The following ZNF836 variants were observed in gnomAD, a reference collection of about 807,000 sequenced individuals.
ZNF836 encodes the protein zinc finger protein 836.
Under a neutral mutation model 7.4 loss-of-function variants are expected in ZNF836, and 12 were observed. The ratio of observed to expected loss-of-function variants is 1.61; its 90% CI spans 1.03 to 2.61. The LOEUF is 2.61. ZNF836 is among the 30% of genes most tolerant of loss of function. The pLI is 0.00. For synonymous variants in ZNF836, 365 were observed against 382.6 expected (o/e 0.95, Z 0.54); for missense variants, 998 against 1,126.2 (o/e 0.89, Z 1.63).
chr19:52,155,392 T>A lies in ZNF836; in HGVS notation c.2291A>T (p.Asn764Ile), dbSNP rs1486373776. Residue 764 changes from asparagine (N) to isoleucine (I), a missense_variant, in exon 5 of 5, where the codon AAC becomes ATC. By Grantham distance (149) the Asn-to-Ile change is moderately radical. Coordinates refer to ENST00000682614, the MANE Select transcript of ZNF836 (RefSeq NM_001102657.3). ...GTGAATTCTCCGATGCCTTGCAAGG[T>A]TCGAAGTGGAATTAAAGACCTGGCC... ...ECGQVFNSTSNLARHRRIHTG... is the reference protein window; with the variant it reads ...ECGQVFNSTSILARHRRIHTG... 1.2e-6 allele frequency: 2 copies of A among 1,613,494 alleles called. No individual in the cohort carries two copies. Among genetic ancestry groups the A allele is most frequent in the Non-Finnish European group, 1.7e-6 (2 of 1,179,918 alleles).
intron 4 of ZNF836, among the ~76,000 whole-genome samples, chr19:52,159,027 G>A (rs1276506684): frequency 6.6e-6 from 1 of 152,082 alleles, no homozygotes; most frequent in Non-Finnish European, 1.5e-5. Flanking sequence ...CACAGAAAGA[G>A]TTAGTCATGA....
chr19:52,158,764 A>G (rs1600139554), intron 4 of ZNF836, among the ~76,000 whole-genome samples: 1 of 152,204 alleles, frequency 6.6e-6, no homozygotes, highest in African/African-American at 2.4e-5. Flanking sequence ...CAAACAAACA[A>G]AAAACTATCT....
At chr19:52,159,563 T>C (rs1257255018) in intron 4 of ZNF836, among the ~76,000 whole-genome samples, 1 of 152,210 alleles carries the variant, frequency 6.6e-6, no homozygotes, top group Non-Finnish European at 1.5e-5. Flanking sequence ...TCACCCTTCA[T>C]GAATAACAGT....
At chr19:52,168,878 T>C (rs552269449) in intron 2 of ZNF836, among the ~76,000 whole-genome samples, 19 of 152,220 alleles carry the variant, frequency 1.2e-4, no homozygotes, top group Admixed American at 3.9e-4. Context: ...AGACAATTAC[T>C]GTATGACCTC....
At chr19:52,162,371 C>A (rs940601962) in intron 3 of ZNF836, among the ~76,000 whole-genome samples, 3 of 152,220 alleles carry the variant, frequency 2.0e-5, no homozygotes, top group Non-Finnish European at 2.9e-5. Context: ...GCCTAGGCTC[C>A]AAGGATCTCT....
chr19:52,157,411 A>G lies in ZNF836; in HGVS notation c.272T>C (p.Ile91Thr), dbSNP rs747799564. ...CTCAAGGTCCTGTAGATTTTTCTGG[A>G]TTTCCCTTAAGTAAAAATTTTCAAC... ...YDVENFYLRE[I>T]QKNLQDLEFQ... Residue 91 changes from isoleucine (I) to threonine (T), a missense_variant, in exon 5 of 5, where the codon ATC (isoleucine) becomes ACC (threonine). Coordinates refer to ENST00000682614, the MANE Select transcript of ZNF836 (RefSeq NM_001102657.3). The G allele has an allele frequency of 3.7e-6, 6 of 1,606,982 alleles. No homozygotes were observed. Among genetic ancestry groups the G allele is most frequent in the Non-Finnish European group, 5.1e-6 (6 of 1,178,368 alleles).
intron 4 of ZNF836, among the ~76,000 whole-genome samples, chr19:52,158,853 G>A (rs2089189367): frequency 2.0e-5 from 3 of 152,246 alleles, no homozygotes; most frequent in South Asian, 4.1e-4. Context: ...GCCAAAACTC[G>A]TATGTTGGGG....
Position 52,156,227 on chromosome 19 carries a change from C to G in ZNF836, c.1456G>C (p.Val486Leu), listed in dbSNP as rs755864983. The change falls in exon 5 of 5, where the codon GTG becomes CTG. Residue 486 changes from valine (V) to leucine (L), a missense_variant. Coordinates refer to ENST00000682614, the MANE Select transcript of ZNF836 (RefSeq NM_001102657.3). ...GKVFSQTSHL[V>L]GHRRIHTGEK... ...CCAGTATGAATTCTCCGATGCCCCA[C>G]AAGATGTGAAGTCTGACTGAAGACC... 90 of 1,613,980 alleles carry G rather than the reference C, an allele frequency of 5.6e-5. No individual in the cohort carries two copies. In the Admixed American group the frequency reaches 8.0e-4, roughly 14 times the overall value.
At chr19:52,163,597 AC>A (rs747394141) in intron 3 of ZNF836, among the ~76,000 whole-genome samples, 1 of 152,174 alleles carries the variant, frequency 6.6e-6, no homozygotes, top group Non-Finnish European at 1.5e-5. Context: ...ACATGGTGAA[AC>A]CCCGTCTCTA....
chr19:52,167,934 CATGGGTGA>C (rs2089279853), intron 3 of ZNF836, 116 bp downstream of exon 3: 2 of 728,972 alleles, frequency 2.7e-6, no homozygotes, highest in East Asian at 5.0e-5. Context: ...TGAGGGAAGG[CATGGGTGA>C]ATGGCAGCAA....
chr19:52,157,481 C>T lies in ZNF836; in HGVS notation c.202G>A (p.Glu68Lys), dbSNP rs968821111. The change falls in exon 5 of 5, where the codon GAA (glutamate) becomes AAA (lysine). Residue 68 changes from glutamate to lysine, a missense_variant. By Grantham distance (56) the Glu-to-Lys change is moderately conservative. Transcript: ENST00000682614. ...LPPIGNSNTG[E>K]KCQTVTLERH... ...TCCAGCGTCACTGTTTGGCATTTTT[C>T]TCCTGTATTACTGTTCCCTATTGGT... 3 of 1,586,162 alleles carry T rather than the reference C, an allele frequency of 1.9e-6. No individual in the cohort carries two copies. The highest frequency in any genetic ancestry group is 3.7e-5 in the Admixed American group (2 of 53,408).
intron 4 of ZNF836, among the ~76,000 whole-genome samples, chr19:52,159,640 A>C (rs1327202296): frequency 6.6e-6 from 1 of 152,218 alleles, no homozygotes; most frequent in Non-Finnish European, 1.5e-5. Flanking sequence ...CAAGTGAATG[A>C]GTTACACTGA....
At chr19:52,167,472 C>CAAAAAAAAAAAAAAAAAAAAAAAAAAAAA (rs1165727472) in intron 3 of ZNF836, among the ~76,000 whole-genome samples, 2 of 44,124 alleles carry the variant, frequency 4.5e-5, no homozygotes, top group Non-Finnish European at 3.9e-5. Context: ...AACTCCGTCT[C>CAAAAAAAAAAAAAAAAAAAAAAAAAAAAA]AAAAAAAAAA....
chr19:52,156,696 A>C lies in ZNF836; in HGVS notation c.987T>G (p.Pro329=), dbSNP rs775753376. Residue 329 remains proline (P), a synonymous_variant, in exon 5 of 5, where the codon CCT becomes CCG. Coordinates refer to ENST00000682614, the MANE Select transcript of ZNF836 (RefSeq NM_001102657.3). ...IHQRIHTGEK[P]YKCNECGKTF... Reference sequence around the variant, plus strand: ...TTTTCCCACACTCATTACATTTGTAAGGTTTCTCTCCAGTGTGAATTCTCT... The same window carrying C: ...TTTTCCCACACTCATTACATTTGTACGGTTTCTCTCCAGTGTGAATTCTCT... The C allele has an allele frequency of 5.6e-6, 9 of 1,613,714 alleles. No homozygotes were observed. In the African/African-American group the frequency reaches 1.1e-4, roughly 19 times the overall value.
At chr19:52,160,084 G>A (rs2089199540) in intron 4 of ZNF836, among the ~76,000 whole-genome samples, 1 of 151,552 alleles carries the variant, frequency 6.6e-6, no homozygotes, top group Non-Finnish European at 1.5e-5. Flanking sequence ...TCAGGAGGCT[G>A]AGGTAGGAGA....
rs756119387 is a variant in ZNF836 at position 52,155,325 on chromosome 19, G to T, written c.2358C>A (p.Val786=). Residue 786 remains valine, a synonymous_variant, in exon 5 of 5, where the codon GTC becomes GTA. Transcript: ENST00000682614. ...KPYKCNECGK[V]FRHQSTLARH... Reference sequence around the variant, plus strand: ...GTGCTAGTGTTGATTGATGACGAAAGACCTTGCCACATTCATTACATTTGT... The same window carrying T: ...GTGCTAGTGTTGATTGATGACGAAATACCTTGCCACATTCATTACATTTGT... 3.7e-6 allele frequency: 6 copies of T among 1,613,814 alleles called. No homozygotes were observed. Among genetic ancestry groups the T allele is most frequent in the Admixed American group, 3.3e-5 (2 of 59,992 alleles).
At position 52,154,798 on chromosome 19, in the gene ZNF836, T is replaced by A; in HGVS notation, c.*74A>T. The A allele has an allele frequency of 7.5e-7, 1 of 1,339,408 alleles. No individual in the cohort carries two copies. Among genetic ancestry groups the A allele is most frequent in the East Asian group, 2.5e-5 (1 of 39,296 alleles). 83.0% of individuals were successfully genotyped at this position (1,339,408 alleles called of 1,614,324 possible). On this transcript the variant is annotated 3_prime_UTR_variant, in exon 5 of 5. Transcript: ENST00000682614. ...ATCTCCCACCAGGCCCCACCTCCAA[T>A]AAAGGGGATTAAAATTCCACATGAG... is the stretch of plus-strand genomic sequence containing the variant.
At position 52,157,413 on chromosome 19, in the gene ZNF836, T is replaced by C; in HGVS notation, c.270A>G (p.Glu90=). Residue 90 remains glutamate, a synonymous_variant, in exon 5 of 5, where the codon GAA becomes GAG. Transcript: ENST00000682614. ...CYDVENFYLR[E]IQKNLQDLEF... ...CAAGGTCCTGTAGATTTTTCTGGATTTCCCTTAAGTAAAAATTTTCAACAT... is the reference window on the plus strand; with the variant it reads ...CAAGGTCCTGTAGATTTTTCTGGATCTCCCTTAAGTAAAAATTTTCAACAT... 1 of 1,606,908 alleles carries C rather than the reference T, an allele frequency of 6.2e-7. No homozygotes were observed. Among genetic ancestry groups the C allele is most frequent in the Non-Finnish European group, 8.5e-7 (1 of 1,178,282 alleles).
At chr19:52,160,174 C>T (rs2089200161) in intron 4 of ZNF836, 2 of 486,520 alleles carry the variant, frequency 4.1e-6, no homozygotes, top group East Asian at 3.4e-5. Flanking sequence ...CAAAGCTAGA[C>T]TCTGTCTCCA....
Sources: allele counts gnomAD v4.1 joint callset (sites outside exome capture counted in the v4.1 genomes callset), GRCh38; gene constraint gnomAD v4.1.1; transcripts MANE v1.5; gene names NCBI Gene and HGNC (gene_info 2026-07-23, HGNC 2026-07-21).